PRKAR1A: variants seen among roughly 807,000 people sequenced by gnomAD.
PRKAR1A encodes cAMP-dependent protein kinase type I-alpha regulatory subunit.
Under a neutral mutation model 52.0 loss-of-function variants are expected in PRKAR1A, and 3 were observed. That is an observed-to-expected ratio of 0.06 (90% CI 0.03 to 0.15). The LOEUF is 0.15. PRKAR1A is among the 10% of genes least tolerant of loss of function. The pLI is 1.00. For missense variants in PRKAR1A, 240 were observed against 477.4 expected (o/e 0.50, Z 4.63); for synonymous variants, 188 against 168.4 (o/e 1.12, Z -0.90).
upstream of PRKAR1A, among the ~76,000 whole-genome samples, chr17:68,508,746 C>T (rs952750334): frequency 2.6e-5 from 4 of 152,130 alleles, no homozygotes; most frequent in African/African-American, 7.2e-5. Flanking sequence ...TTACTTGGAA[C>T]GCTTTAGTGT....
At chr17:68,485,023 A>AT in the PRKAR1A span, among the ~76,000 whole-genome samples, 1 of 152,258 alleles carries the variant, frequency 6.6e-6, no homozygotes, top group Non-Finnish European at 1.5e-5. Context: ...ATATTAAGAC[A>AT]TTGCAGATGT....
At chr17:68,491,779 G>T in the PRKAR1A span, among the ~76,000 whole-genome samples, 1 of 151,754 alleles carries the variant, frequency 6.6e-6, no homozygotes, top group Non-Finnish European at 1.5e-5. Context: ...CCCAAGTGGT[G>T]CTAACGCACA....
At chr17:68,426,252 G>GGGGGGGGTGGGGT in the PRKAR1A span, 1 of 828,188 alleles carries the variant, frequency 1.2e-6, no homozygotes, top group Non-Finnish European at 1.9e-6. Context: ...TGGGGAGCGG[G>GGGGGGGGTGGGGT]GGCTCAAATA....
the PRKAR1A span, among the ~76,000 whole-genome samples, chr17:68,488,908 G>A: frequency 1.3e-5 from 2 of 151,564 alleles, no homozygotes; most frequent in East Asian, 3.9e-4. Flanking sequence ...GCTTTCAGAG[G>A]GCTCTTTCTC....
chr17:68,427,248 A>C, the PRKAR1A span: 1 of 1,613,216 alleles, frequency 6.2e-7, no homozygotes, highest in Non-Finnish European at 8.5e-7. Flanking sequence ...TCCTGAGCCA[A>C]GCAAGCTACT....
At chr17:68,528,687 G>A in intron 8 of PRKAR1A, 183 bp from the exon 9 acceptor site, 1 of 738,646 alleles carries the variant, frequency 1.4e-6, no homozygotes, top group South Asian at 1.8e-5. Context: ...AGGGCTATCT[G>A]CAGGCAGTAT....
At chr17:68,551,136 C>A in exon 12 of PRKAR1A, 1 of 1,233,826 alleles carries the variant, frequency 8.1e-7, no homozygotes, top group Non-Finnish European at 1.0e-6. Context: ...GCACTGGGGC[C>A]GAACTCTAGG....
At chr17:68,488,296 G>GT in the PRKAR1A span, among the ~76,000 whole-genome samples, 1 of 152,188 alleles carries the variant, frequency 6.6e-6, no homozygotes, top group Non-Finnish European at 1.5e-5. Flanking sequence ...GAGTCTGACA[G>GT]TGGCCAGATC....
At chr17:68,444,332 T>C in the PRKAR1A span, among the ~76,000 whole-genome samples, 1 of 152,196 alleles carries the variant, frequency 6.6e-6, no homozygotes, top group African/African-American at 2.4e-5. Context: ...CCTGACATAA[T>C]TTGAATCTGC....
chr17:68,515,896 A>G (rs536230341), intron 2 of PRKAR1A: 10 of 276,774 alleles, frequency 3.6e-5, no homozygotes, highest in Non-Finnish European at 7.0e-5. Context: ...TAGCAGTTCT[A>G]TGAATAAGAA....
chr17:68,508,883 C>A (rs58903882), upstream of PRKAR1A, among the ~76,000 whole-genome samples: 3 of 151,984 alleles, frequency 2.0e-5, no homozygotes, highest in African/African-American at 7.3e-5. Context: ...TTTTGGCATT[C>A]GGGTGTTTGC....
intron 11 of PRKAR1A, chr17:68,541,913 G>C: frequency 6.6e-7 from 1 of 1,523,146 alleles, no homozygotes; most frequent in Non-Finnish European, 8.9e-7. Flanking sequence ...AGCCAAGCTA[G>C]CAACAAGTCC....
downstream of PRKAR1A, chr17:68,535,426 TG>T (rs890204760): frequency 4.4e-6 from 2 of 453,990 alleles, no homozygotes; most frequent in African/African-American, 4.0e-5. Context: ...AGCTGTAGCC[TG>T]CTTTCCTGAG....
the PRKAR1A span, among the ~76,000 whole-genome samples, chr17:68,482,179 G>A: frequency 1.3e-5 from 2 of 152,342 alleles, no homozygotes; most frequent in South Asian, 4.1e-4. Flanking sequence ...GTAGGATGAA[G>A]CGACAGGGAA....
At chr17:68,510,159 C>G (rs894956818), upstream of PRKAR1A, among the ~76,000 whole-genome samples, 36 of 127,536 alleles carry the variant, frequency 2.8e-4, no homozygotes, top group South Asian at 8.2e-4. Context: ...TATATGTAGA[C>G]AGAGAGAGAG....
chr17:68,450,991 C>A, the PRKAR1A span: 1 of 1,485,050 alleles, frequency 6.7e-7, no homozygotes, highest in South Asian at 1.4e-5. Context: ...AGGCCAGGTT[C>A]CAAAGGTTCT....
At chr17:68,522,488 CAT>C (rs1374670242) in intron 2 of PRKAR1A, among the ~76,000 whole-genome samples, 6 of 152,316 alleles carry the variant, frequency 3.9e-5, no homozygotes, top group African/African-American at 1.4e-4. Flanking sequence ...TTGTTACTCA[CAT>C]GTTATGTGAG....
the PRKAR1A span, among the ~76,000 whole-genome samples, chr17:68,431,470 C>T: frequency 1.3e-5 from 2 of 151,984 alleles, no homozygotes; most frequent in African/African-American, 4.8e-5. Context: ...GGCTCTGCAG[C>T]AGGTCTGACT....
At chr17:68,549,494 CAA>C (rs34993560) in intron 11 of PRKAR1A, among the ~76,000 whole-genome samples, 6 of 126,916 alleles carry the variant, frequency 4.7e-5, no homozygotes, top group Non-Finnish European at 5.1e-5. Context: ...AACTCCATCT[CAA>C]AAAAAAAAAA....
Sources: allele counts gnomAD v4.1 joint callset (sites outside exome capture counted in the v4.1 genomes callset), GRCh38; gene constraint gnomAD v4.1.1; transcripts MANE v1.5; gene names NCBI Gene and HGNC (gene_info 2026-07-23, HGNC 2026-07-21).